Variants in GPR55 observed in about 807,000 individuals in gnomAD.
GPR55 encodes G-protein coupled receptor 55.
GPR55 carries 6 observed loss-of-function variants against 7.9 expected under a neutral mutation model. The observed-to-expected ratio is 0.76, with a 90% CI of 0.41 to 1.49. The LOEUF is 1.49. Ranked by LOEUF, GPR55 falls within the 40% of genes most tolerant of loss-of-function variation. The pLI, the probability that GPR55 is intolerant of heterozygous loss-of-function variation, is 0.01. For missense variants in GPR55, 376 were observed against 406.0 expected (o/e 0.93, Z 0.63); for synonymous variants, 183 against 166.8 (o/e 1.10, Z -0.75).
intron 1 of GPR55, among the ~76,000 whole-genome samples, chr2:230,914,381 A>G (rs922949016): frequency 6.6e-6 from 1 of 152,240 alleles, no homozygotes; most frequent in Non-Finnish European, 1.5e-5. Context: ...TTGAAGCCAG[A>G]GAAGGCACTC....
rs999398890 is a variant in GPR55, at chr2:230,914,128, C to CA, written c.-134-3033dup. On this transcript the variant is annotated intron_variant, in intron 1 of 1. Transcript: ENST00000650999. ...GGCCAAGAAAACAATCGGTGATGCT[C>CA]AAAGTCCAACCCAAACCCAGACACA... 3.2e-3 allele frequency among the ~76,000 whole-genome samples: 495 copies of CA among 152,334 alleles called. 4 individuals carry two copies. The highest frequency in any genetic ancestry group is 0.012 in the African/African-American group (484 of 41,554).
At chr2:230,948,504 T>C (rs904658293) in intron 1 of GPR55, among the ~76,000 whole-genome samples, 1 of 152,246 alleles carries the variant, frequency 6.6e-6, no homozygotes, top group African/African-American at 2.4e-5. Flanking sequence ...CTACCCTATA[T>C]ATGGAATAGA....
Position 230,941,932 on chromosome 2 carries a change from C to A in GPR55, c.-135+18843G>T, listed in dbSNP as rs138741375. Among the ~76,000 whole-genome samples, 355 of 152,260 alleles carry A rather than the reference C, an allele frequency of 2.3e-3. 4 individuals carry two copies. Among genetic ancestry groups the A allele is most frequent in the Non-Finnish European group, 1.5e-3 (105 of 68,028 alleles). On this transcript the variant is annotated intron_variant, in intron 1 of 1. Coordinates refer to the GPR55 transcript ENST00000392039. Reference sequence around the variant, plus strand: ...AATATTTGATGAGTTATTGACTGATCATTGAGAGATGGCCCTTTGTTCTCC... The same window carrying A: ...AATATTTGATGAGTTATTGACTGATAATTGAGAGATGGCCCTTTGTTCTCC...
At chr2:230,931,285 G>T (rs891497034) in intron 1 of GPR55, among the ~76,000 whole-genome samples, 1 of 152,198 alleles carries the variant, frequency 6.6e-6, no homozygotes, top group Non-Finnish European at 1.5e-5. Flanking sequence ...TGAGGACCAC[G>T]CCGAGGGCAG....
chr2:230,923,484 C>T lies in GPR55; in HGVS notation c.-135+1684G>A, dbSNP rs76113895. On this transcript the variant is annotated intron_variant, in intron 1 of 1. Coordinates refer to ENST00000650999, the MANE Select transcript of GPR55 (RefSeq NM_005683.4). This position sits in a 1 kb window ranked among gnomAD's most constrained non-coding sequence, Gnocchi z 4.1. The stretch of plus-strand genomic sequence containing the variant: ...ACACCATAGTGTGAATAAAGTCATC[C>T]GCCTGTGCCTGAGCTGGGCTTCTGG... 0.044 allele frequency among the ~76,000 whole-genome samples: 6,635 copies of T among 152,260 alleles called. 317 individuals are homozygous for T. Among genetic ancestry groups the T allele is most frequent in the African/African-American group, 0.12 (5,090 of 41,504 alleles).
chr2:230,949,045 G>C (rs114282251), intron 1 of GPR55, among the ~76,000 whole-genome samples: 48,970 of 151,894 alleles, frequency 0.32, 8,483 homozygotes, highest in East Asian at 0.65. Flanking sequence ...CTCCAGCCTT[G>C]GCAACAGACT....
chr2:230,914,796 T>C (rs896366245), intron 1 of GPR55, among the ~76,000 whole-genome samples: 1 of 152,058 alleles, frequency 6.6e-6, no homozygotes, highest in African/African-American at 2.4e-5. Flanking sequence ...GGGTGGGAGG[T>C]TGAGTCCCCT....
intron 1 of GPR55, among the ~76,000 whole-genome samples, chr2:230,953,506 T>C (rs542844065): frequency 6.6e-6 from 1 of 152,252 alleles, no homozygotes; most frequent in African/African-American, 2.4e-5. Flanking sequence ...GAGAAACAGG[T>C]TCTCCTCTAG....
chr2:230,938,893 A>G (rs905865094), intron 1 of GPR55, among the ~76,000 whole-genome samples: 20 of 151,878 alleles, frequency 1.3e-4, no homozygotes, highest in African/African-American at 4.4e-4. Context: ...TCGGTAAACA[A>G]CTCCAGGAGG....
chr2:230,955,022 T>A (rs780893326), intron 1 of GPR55, among the ~76,000 whole-genome samples: 1 of 152,224 alleles, frequency 6.6e-6, no homozygotes, highest in Non-Finnish European at 1.5e-5. Context: ...CATCCCTTGA[T>A]GCAATTACAG....
upstream of GPR55, among the ~76,000 whole-genome samples, chr2:230,927,557 G>C (rs1331688254): frequency 6.6e-6 from 1 of 152,094 alleles, no homozygotes; most frequent in East Asian, 1.9e-4. Context: ...TCTCCCCCTA[G>C]TCCTGCCCAC....
At position 230,907,958 on chromosome 2, in the gene GPR55, G is replaced by A. The variant is rs1690491297; in HGVS notation, c.*2045C>T. On this transcript the variant is annotated 3_prime_UTR_variant, in exon 2 of 2. Coordinates refer to ENST00000650999, the MANE Select transcript of GPR55 (RefSeq NM_005683.4). ...TCGTGCAGAGAAAGAAGTGGGAGGA[G>A]GGTGGTCACTAAATCCACCACCCGT... 1 of 152,194 alleles carries A rather than the reference G, an allele frequency of 6.6e-6. No individual in the cohort carries two copies. The highest frequency in any genetic ancestry group is 6.5e-5 in the Admixed American group (1 of 15,280). 9.4% of individuals were successfully genotyped at this position (152,194 alleles called of 1,614,324 possible).
chr2:230,948,106 C>T (rs1691347488), intron 1 of GPR55, among the ~76,000 whole-genome samples: 1 of 152,144 alleles, frequency 6.6e-6, no homozygotes, highest in South Asian at 2.1e-4. Flanking sequence ...CGCCGCCCAC[C>T]CCCTGGCCGC....
chr2:230,949,217 G>A (rs1005191217), intron 1 of GPR55, among the ~76,000 whole-genome samples: 3 of 152,162 alleles, frequency 2.0e-5, no homozygotes, highest in Middle Eastern at 3.4e-3. Context: ...AGGCTGGAGT[G>A]CAATGGCGCA....
chr2:230,919,676 A>T (rs1690791542), intron 1 of GPR55, among the ~76,000 whole-genome samples: 1 of 152,230 alleles, frequency 6.6e-6, no homozygotes, highest in Admixed American at 6.5e-5. Context: ...ATTCACCTTA[A>T]GTAAATTATA....
In GPR55 at chr2:230,923,320, G is replaced by A. The variant is rs959057896; in HGVS notation, c.-135+1848C>T. On this transcript the variant is annotated intron_variant, in intron 1 of 1. Transcript: ENST00000650999. This position sits in a 1 kb window ranked among gnomAD's most constrained non-coding sequence, Gnocchi z 4.1. Reference sequence around the variant, plus strand: ...CAGGCTGTTATCTGCACAGAGCATTGCAGCGTGAGCCACCTCAGAGATGGC... The same window carrying A: ...CAGGCTGTTATCTGCACAGAGCATTACAGCGTGAGCCACCTCAGAGATGGC... Among the ~76,000 whole-genome samples the A allele has an allele frequency of 1.3e-5, 2 of 152,220 alleles. No individual in the cohort carries two copies. Among genetic ancestry groups the A allele is most frequent in the African/African-American group, 4.8e-5 (2 of 41,454 alleles).
chr2:230,957,529 G>A (rs1691510147), intron 1 of GPR55: 1 of 367,018 alleles, frequency 2.7e-6, no homozygotes, highest in South Asian at 2.2e-5. Context: ...GGGCGCGGCT[G>A]GCCGGTCTTC....
chr2:230,914,321 C>A (rs1433469094), intron 1 of GPR55, among the ~76,000 whole-genome samples: 1 of 152,200 alleles, frequency 6.6e-6, no homozygotes, highest in Non-Finnish European at 1.5e-5. Flanking sequence ...CTAAAGGTCA[C>A]ATTTGAATTA....
chr2:230,956,948 C>A (rs1289535310), intron 1 of GPR55, among the ~76,000 whole-genome samples: 1 of 151,318 alleles, frequency 6.6e-6, no homozygotes, highest in African/African-American at 2.4e-5. Flanking sequence ...TTCTAAGATC[C>A]CCCTGTGGAT....
Sources: gnomAD v4.1 joint callset for allele counts (sites outside exome capture counted in the v4.1 genomes callset) on GRCh38, gnomAD v4.1.1 for gene constraint, Gnocchi (gnomAD v3.1) non-coding constraint, MANE v1.5 for transcripts, NCBI Gene and HGNC (gene_info 2026-07-23, HGNC 2026-07-21) for gene names.